LIN28B: variants seen among roughly 807,000 people sequenced by gnomAD.
LIN28B encodes the protein lin-28 RNA binding posttranscriptional regulator B, also known as protein lin-28 homolog B.
Under a neutral mutation model 21.9 loss-of-function variants are expected in LIN28B, and 5 were observed. The ratio of observed to expected loss-of-function variants is 0.23; its 90% CI spans 0.12 to 0.48. LIN28B has a LOEUF of 0.48. Among genes scored for constraint, LIN28B ranks in the 20% least tolerant of loss-of-function variants. The probability of loss-of-function intolerance (pLI) is 0.98; values close to 1 mark genes in which losing one functional copy is unlikely to be tolerated. For missense variants in LIN28B, 245 were observed against 310.5 expected, an observed-to-expected ratio of 0.79 and a Z score of 1.58; for synonymous variants, 109 against 111.3, an observed-to-expected ratio of 0.98 and a Z score of 0.13.
chr6:104,977,650 C>T (rs527927449), intron 2 of LIN28B, among the ~76,000 whole-genome samples: 5 of 152,210 alleles, frequency 3.3e-5, no homozygotes, highest in Admixed American at 3.3e-4. Flanking sequence ...TCACTGCAAC[C>T]TCCACCTCCC....
At chr6:105,037,520 C>CT (rs1281937626) in intron 3 of LIN28B, among the ~76,000 whole-genome samples, 1,923 of 131,240 alleles carry the variant, frequency 0.015, 44 homozygotes, top group African/African-American at 0.05. Context: ...CTTCCCCTCT[C>CT]TTTTTTTTTT....
At chr6:104,994,582 G>A (rs1052417303) in intron 2 of LIN28B, among the ~76,000 whole-genome samples, 3 of 152,178 alleles carry the variant, frequency 2.0e-5, no homozygotes, top group Non-Finnish European at 4.4e-5. Flanking sequence ...AATCCCAAAA[G>A]GGGAGGTTTT....
intron 3 of LIN28B, among the ~76,000 whole-genome samples, chr6:105,037,196 A>G (rs1022377402): frequency 4.0e-5 from 6 of 151,614 alleles, no homozygotes; most frequent in Non-Finnish European, 8.8e-5. Context: ...CTTCCACTGA[A>G]TTTGTTACTT....
At chr6:104,950,550 A>C (rs540030492) in intron 3 of LIN28B, 7 of 1,115,892 alleles carry the variant, frequency 6.3e-6, no homozygotes, top group Non-Finnish European at 7.9e-6. Flanking sequence ...TGTTTAATTA[A>C]TGTTTTAAAA....
chr6:104,972,259 A>G (rs974864327), intron 2 of LIN28B, among the ~76,000 whole-genome samples: 4 of 152,178 alleles, frequency 2.6e-5, no homozygotes, highest in African/African-American at 4.8e-5. Context: ...GGTGTGAGCC[A>G]CCTTGCCTGG....
intron 2 of LIN28B, among the ~76,000 whole-genome samples, chr6:104,993,014 C>A (rs1480889122): frequency 6.6e-6 from 1 of 152,056 alleles, no homozygotes; most frequent in East Asian, 1.9e-4. Context: ...AATTTATCAA[C>A]CTTCATACAT....
At chr6:104,987,642 T>C (rs1433784397) in intron 2 of LIN28B, among the ~76,000 whole-genome samples, 7 of 152,212 alleles carry the variant, frequency 4.6e-5, no homozygotes, top group Admixed American at 2.6e-4. Flanking sequence ...TAAATTATTA[T>C]AAATACTTTA....
intron 2 of LIN28B, among the ~76,000 whole-genome samples, chr6:104,979,192 T>C (rs891662133): frequency 6.6e-6 from 1 of 151,780 alleles, no homozygotes; most frequent in Non-Finnish European, 1.5e-5. Context: ...TAAAGATGAT[T>C]TTTATTTTTA....
At chr6:105,035,192 T>C (rs1207814044) in intron 3 of LIN28B, among the ~76,000 whole-genome samples, 1 of 152,120 alleles carries the variant, frequency 6.6e-6, no homozygotes, top group Non-Finnish European at 1.5e-5. Flanking sequence ...GTTTTACTTT[T>C]AAAATTCTGT....
intron 3 of LIN28B, among the ~76,000 whole-genome samples, chr6:105,068,890 A>G (rs1772272206): frequency 6.6e-6 from 1 of 152,194 alleles, no homozygotes; most frequent in South Asian, 2.1e-4. Context: ...ATCTTATTAT[A>G]TTTATACTGA....
At chr6:104,955,831 T>A (rs867945947), upstream of LIN28B, among the ~76,000 whole-genome samples, 3 of 152,198 alleles carry the variant, frequency 2.0e-5, no homozygotes, top group Middle Eastern at 3.2e-3. Flanking sequence ...CGATATTTTA[T>A]ATTTTAAAGG....
At chr6:105,051,456 AAAAG>A (rs1304342602) in intron 3 of LIN28B, among the ~76,000 whole-genome samples, 5 of 151,974 alleles carry the variant, frequency 3.3e-5, no homozygotes, top group African/African-American at 4.8e-5. Flanking sequence ...AAAAGAAAGA[AAAAG>A]AAAGAGCCAC....
At chr6:104,957,001 C>A, upstream of LIN28B, 1 of 1,169,900 alleles carries the variant, frequency 8.5e-7, no homozygotes, top group Non-Finnish European at 1.1e-6. Flanking sequence ...CTTCCTCTTG[C>A]CAGCCCCTTA....
chr6:104,952,750 C>G (rs75242997), upstream of LIN28B, among the ~76,000 whole-genome samples: 1,835 of 152,216 alleles, frequency 0.012, 20 homozygotes, highest in Non-Finnish European at 0.019. Context: ...AAAATTTATG[C>G]TAATCCGTTT....
intron 2 of LIN28B, among the ~76,000 whole-genome samples, chr6:104,995,388 A>T (rs987159766): frequency 2.7e-4 from 41 of 152,204 alleles, no homozygotes; most frequent in Non-Finnish European, 7.3e-5. Flanking sequence ...GGAGAGACAG[A>T]AGCATGAGAA....
intron 3 of LIN28B, among the ~76,000 whole-genome samples, chr6:105,033,762 C>G (rs569491946): frequency 1.1e-3 from 162 of 151,740 alleles, no homozygotes; most frequent in Admixed American, 3.3e-3. Context: ...CTAGCCTATA[C>G]TTGGGACTTT....
At chr6:104,971,599 T>C (rs1443651482) in intron 2 of LIN28B, among the ~76,000 whole-genome samples, 1 of 152,158 alleles carries the variant, frequency 6.6e-6, no homozygotes, top group Non-Finnish European at 1.5e-5. Context: ...TTGATAACAG[T>C]GGGTTATCAA....
chr6:104,971,905 T>C (rs1175003892), intron 2 of LIN28B, among the ~76,000 whole-genome samples: 2 of 152,212 alleles, frequency 1.3e-5, no homozygotes, highest in African/African-American at 4.8e-5. Context: ...ACAACTATTA[T>C]TAAGCATTTA....
At chr6:105,042,358 T>C (rs1311465293) in intron 3 of LIN28B, among the ~76,000 whole-genome samples, 2 of 152,208 alleles carry the variant, frequency 1.3e-5, no homozygotes, top group Non-Finnish European at 2.9e-5. Flanking sequence ...CTTCCTTCAT[T>C]GGAAGGCCTT....
Sources: allele counts gnomAD v4.1 joint callset (sites outside exome capture counted in the v4.1 genomes callset), GRCh38; gene constraint gnomAD v4.1.1; transcripts MANE v1.5; gene names NCBI Gene and HGNC (gene_info 2026-07-23, HGNC 2026-07-21).